WNK2: variants seen among roughly 807,000 people sequenced by gnomAD.
The protein encoded by WNK2 is WNK lysine deficient protein kinase 2, also known as serine/threonine-protein kinase WNK2.
A neutral mutation model predicts 192.1 loss-of-function variants in WNK2; 67 were observed. The observed-to-expected ratio is 0.35, with a 90% CI of 0.29 to 0.43. The LOEUF (loss-of-function observed/expected upper bound fraction) is 0.43. Ranked by LOEUF, WNK2 falls within the 20% of genes least tolerant of loss-of-function variation. The pLI is 1.00. For missense variants in WNK2, 2,698 were observed against 3,089.7 expected (o/e 0.87, Z 3.01); for synonymous variants, 1,439 against 1,393.9 (o/e 1.03, Z -0.72).
intron 2 of WNK2, among the ~76,000 whole-genome samples, chr9:93,197,206 C>A (rs780922396): frequency 1.3e-5 from 2 of 152,216 alleles, no homozygotes; most frequent in Non-Finnish European, 1.5e-5. Flanking sequence ...GACCCATTTG[C>A]AGTTCACCCC....
intron 16 of WNK2, among the ~76,000 whole-genome samples, chr9:93,266,677 G>A (rs1035218090): frequency 5.9e-5 from 9 of 152,230 alleles, no homozygotes; most frequent in African/African-American, 1.9e-4. Context: ...GCACAAGCCA[G>A]CACTTTGTCT....
intron 2 of WNK2, among the ~76,000 whole-genome samples, chr9:93,204,357 A>G (rs531949241): frequency 6.6e-6 from 1 of 152,202 alleles, no homozygotes; most frequent in Non-Finnish European, 1.5e-5. Context: ...TGGAGAAAGT[A>G]TATTAGGTTA....
chr9:93,241,799 C>T (rs1840815000), intron 7 of WNK2, among the ~76,000 whole-genome samples: 2 of 152,136 alleles, frequency 1.3e-5, no homozygotes, highest in South Asian at 2.1e-4. Flanking sequence ...ATTCAGTGGG[C>T]CACATGGTGT....
chr9:93,228,669 T>C (rs903668229), intron 2 of WNK2, among the ~76,000 whole-genome samples: 1 of 152,152 alleles, frequency 6.6e-6, no homozygotes, highest in Non-Finnish European at 1.5e-5. Flanking sequence ...AGGCCTTGGC[T>C]GGGCCTTTGG....
At position 93,185,626 on chromosome 9, in the gene WNK2, C is replaced by CCCGCAGGGGGCTTT; in HGVS notation, c.681+25_681+38dup. 1 of 1,601,484 alleles carries CCCGCAGGGGGCTTT rather than the reference C, an allele frequency of 6.2e-7. No individual in the cohort carries two copies. Among genetic ancestry groups the CCCGCAGGGGGCTTT allele is most frequent in the Non-Finnish European group, 8.5e-7 (1 of 1,174,300 alleles). ...TGAGCTGCAGGTGAGGGTGCCCCAG[C>CCCGCAGGGGGCTTT]CCGCAGGGGGCTTTCCGCAGGGTCT... On this transcript the variant is annotated intron_variant, in intron 2 of 29. Transcript: ENST00000427277.
chr9:93,277,694 A>G (rs576020616), intron 19 of WNK2, among the ~76,000 whole-genome samples: 109 of 152,204 alleles, frequency 7.2e-4, no homozygotes, highest in Non-Finnish European at 1.3e-3. Context: ...GAATGTTCCT[A>G]TATAGGGAAC....
At chr9:93,297,319 A>G (rs1850766949) in intron 23 of WNK2, among the ~76,000 whole-genome samples, 1 of 152,096 alleles carries the variant, frequency 6.6e-6, no homozygotes, top group Non-Finnish European at 1.5e-5. Context: ...CTGCGGGGTG[A>G]TGTGGGACCT....
Position 93,259,507 on chromosome 9 carries a change from C to T in WNK2, c.2959C>T (p.Pro987Ser). 1 of 1,569,962 alleles carries T rather than the reference C, an allele frequency of 6.4e-7. No homozygotes were observed. The change falls in exon 12 of 30, where the codon CCC (proline) becomes TCC (serine). Residue 987 changes from proline (P) to serine (S), a missense_variant. Pro to Ser is a moderately conservative substitution (Grantham distance 74). Coordinates refer to ENST00000427277, the MANE Select transcript of WNK2 (RefSeq NM_006648.4). This position sits in a 1 kb window ranked among gnomAD's most constrained non-coding sequence, Gnocchi z 4.8. ...TGTGCTGCCCCCGCAACCCATGCTG[C>T]CCCCACAACCTGTGCTGCCCCCGCA... ...QPVLPPQPMLPPQPVLPPQPA... is the reference protein window; with the variant it reads ...QPVLPPQPMLSPQPVLPPQPA...
chr9:93,302,644 A>G (rs971665865), intron 26 of WNK2, among the ~76,000 whole-genome samples: 5 of 152,200 alleles, frequency 3.3e-5, no homozygotes, highest in Non-Finnish European at 7.4e-5. Context: ...AGGCCAGAGG[A>G]TGGGCTGCGG....
intron 12 of WNK2, 144 bp from the exon 13 acceptor site, chr9:93,261,670 A>G: frequency 1.1e-6 from 1 of 892,752 alleles, no homozygotes; most frequent in East Asian, 2.5e-5. Flanking sequence ...ATGTGCTCTG[A>G]GACAGGGACT....
chr9:93,320,123 GC>G (rs1422350164), intron 29 of WNK2, among the ~76,000 whole-genome samples: 2 of 152,238 alleles, frequency 1.3e-5, no homozygotes, highest in Non-Finnish European at 2.9e-5. Context: ...CAGGAGCAGA[GC>G]GTCTGTTTGG....
chr9:93,256,510 T>C, intron 10 of WNK2, 56 bp downstream of exon 10: 1 of 1,457,560 alleles, frequency 6.9e-7, no homozygotes, highest in African/African-American at 1.4e-5. Context: ...TCACCTGTGC[T>C]GGCCCCTGGG....
chr9:93,233,494 G>T (rs1338262223), intron 4 of WNK2, among the ~76,000 whole-genome samples: 1 of 152,026 alleles, frequency 6.6e-6, no homozygotes, highest in Admixed American at 6.6e-5. Context: ...TCAGAAGTTC[G>T]AGAACAGCCT....
At chr9:93,279,691 G>A (rs1000765502) in intron 19 of WNK2, among the ~76,000 whole-genome samples, 1 of 152,166 alleles carries the variant, frequency 6.6e-6, no homozygotes, top group South Asian at 2.1e-4. Flanking sequence ...AGACAATGTG[G>A]TATTGATGCA....
chr9:93,247,879 A>T lies in WNK2; in HGVS notation c.1834+45A>T. 1 of 1,512,942 alleles carries T rather than the reference A, an allele frequency of 6.6e-7. No homozygotes were observed. The highest frequency in any genetic ancestry group is 8.8e-7 in the Non-Finnish European group (1 of 1,136,098). 93.7% of individuals were successfully genotyped at this position (1,512,942 alleles called of 1,614,324 possible). On this transcript the variant is annotated intron_variant, in intron 8 of 29. Transcript: ENST00000427277. This position sits in a 1 kb window ranked among gnomAD's most constrained non-coding sequence, Gnocchi z 5.2. The stretch of plus-strand genomic sequence containing the variant: ...ATGGCCATGGGCACCCCTCCCACCT[A>T]CCCTGCAAAAACCAGCTATTGGGCA...
intron 2 of WNK2, among the ~76,000 whole-genome samples, chr9:93,193,996 T>A (rs1054867554): frequency 6.6e-6 from 1 of 152,088 alleles, no homozygotes; most frequent in African/African-American, 2.4e-5. Context: ...GCAAAGGCAA[T>A]AAAATAGAGA....
rs949617994 is a variant in WNK2, at chr9:93,247,344, G to A, written c.1543-199G>A. Among the ~76,000 whole-genome samples the A allele has an allele frequency of 1.3e-5, 2 of 152,206 alleles. No individual in the cohort carries two copies. Among genetic ancestry groups the A allele is most frequent in the Non-Finnish European group, 2.9e-5 (2 of 68,046 alleles). On this transcript the variant is annotated intron_variant, in intron 7 of 29. Coordinates refer to ENST00000427277, the MANE Select transcript of WNK2 (RefSeq NM_006648.4). This position sits in a 1 kb window ranked among gnomAD's most constrained non-coding sequence, Gnocchi z 5.2. ...GGATGCAGGTCAGGCCTGCGTGGTGGTGGTCTTTCTTTGCCTTGCCTGGCA... is the reference window on the plus strand; with the variant it reads ...GGATGCAGGTCAGGCCTGCGTGGTGATGGTCTTTCTTTGCCTTGCCTGGCA...
chr9:93,271,862 A>G (rs575859026), intron 19 of WNK2, among the ~76,000 whole-genome samples: 2 of 152,382 alleles, frequency 1.3e-5, no homozygotes, highest in African/African-American at 4.8e-5. Context: ...ATCTGCTGAA[A>G]AGTAAAGACA....
In WNK2 at chr9:93,288,904, T is replaced by A. The variant is rs1378146243; in HGVS notation, c.4150T>A (p.Leu1384Met). 1 of 1,608,236 alleles carries A rather than the reference T, an allele frequency of 6.2e-7. No homozygotes were observed. Among genetic ancestry groups the A allele is most frequent in the Non-Finnish European group, 8.5e-7 (1 of 1,177,912 alleles). The change falls in exon 20 of 30, where the codon TTG becomes ATG. Residue 1384 changes from leucine (L) to methionine (M), a missense_variant. By Grantham distance (15) the Leu-to-Met change is conservative (BLOSUM62 2). This residue lies in a region of WNK2 where 1,098 missense variants were observed against 1,101.0 expected (regional missense o/e 1.00). Transcript: ENST00000427277. The part of the protein sequence containing the change: ...SNPPGAPPAP[L>M]APSSPPVTAL... ...CCCTCCTGGGGCACCCCCAGCCCCTTTGGCCCCCTCCTCCCCTCCTGTGAC... is the reference window on the plus strand; with the variant it reads ...CCCTCCTGGGGCACCCCCAGCCCCTATGGCCCCCTCCTCCCCTCCTGTGAC...
Sources: gnomAD v4.1 joint callset for allele counts (sites outside exome capture counted in the v4.1 genomes callset) on GRCh38, gnomAD v4.1.1 for gene constraint, gnomAD v4.1.1 regional missense constraint, Gnocchi (gnomAD v3.1) non-coding constraint, MANE v1.5 for transcripts, NCBI Gene and HGNC (gene_info 2026-07-23, HGNC 2026-07-21) for gene names.